Variants in PUDP observed in about 807,000 individuals in gnomAD.
PUDP encodes the protein pseudouridine-5'-phosphatase.
A neutral mutation model predicts 9.4 loss-of-function variants in PUDP; 8 were observed. That is an observed-to-expected ratio of 0.85 (90% CI 0.50 to 1.53). The LOEUF is 1.53. Ranked by LOEUF, PUDP falls within the 40% of genes most tolerant of loss-of-function variation. PUDP has a pLI of 0.00. For missense variants in PUDP, 188 were observed against 189.7 expected (o/e 0.99, Z 0.05); for synonymous variants, 99 against 80.7 (o/e 1.23, Z -1.22).
In PUDP at chrX:6,900,741, G is replaced by C. The variant is rs751874193; in HGVS notation, c.*247+76392C>G. Among the ~76,000 whole-genome samples the C allele has an allele frequency of 3.7e-5, 4 of 107,373 alleles. No individual in the cohort carries two copies. In the South Asian group the frequency reaches 1.7e-3, roughly 46 times the overall value. The allele number at this position is 107,373 out of a possible 115,157, so 93.2% of individuals were successfully genotyped here. On this transcript the variant is annotated intron_variant and NMD_transcript_variant, in intron 3 of 3. Coordinates refer to the PUDP transcript ENST00000655425. ...AGGGAGTCAACCACTGAGGACACGA[G>C]GGCATACCAGATGACCAATTTTTTT...
intron 3 of PUDP, among the ~76,000 whole-genome samples, chrX:6,817,576 C>A (rs752967758): frequency 2.7e-5 from 3 of 111,800 alleles, no homozygotes; most frequent in Non-Finnish European, 3.8e-5. Context: ...ATATTCTAGT[C>A]AATGGGAAAG....
intron 1 of PUDP, among the ~76,000 whole-genome samples, chrX:7,028,426 C>A (rs1301972096): frequency 9.0e-6 from 1 of 111,253 alleles, no homozygotes; most frequent in Admixed American, 9.6e-5. Context: ...GGCCAAGTCA[C>A]GTGATCACTA....
intron 1 of PUDP, among the ~76,000 whole-genome samples, chrX:7,010,452 T>C (rs765181596): frequency 1.2e-4 from 13 of 112,001 alleles, no homozygotes; most frequent in Non-Finnish European, 2.1e-4. Context: ...CAGATTGTTA[T>C]GAACAGCCCC....
At chrX:6,961,975 T>C (rs1030285420) in intron 3 of PUDP, among the ~76,000 whole-genome samples, 5 of 112,439 alleles carry the variant, frequency 4.4e-5, no homozygotes, top group Non-Finnish European at 7.5e-5. Flanking sequence ...GTCTGAAGTA[T>C]GGTAGGAATT....
rs149882603 is a variant in PUDP, at chrX:6,808,271, T to A, written c.*248-101805A>T. Among the ~76,000 whole-genome samples the A allele has an allele frequency of 5.5e-3, 613 of 112,202 alleles. 4 individuals are homozygous for A. Among genetic ancestry groups the A allele is most frequent in the African/African-American group, 0.018 (552 of 30,894 alleles). On this transcript the variant is annotated intron_variant and NMD_transcript_variant, in intron 3 of 3. Coordinates refer to the PUDP transcript ENST00000655425. ...TACTTTAGTCTTTCCTTGGAAAACATTTCAACAACTTGTATTTTTGCTCTC... is the reference window on the plus strand; with the variant it reads ...TACTTTAGTCTTTCCTTGGAAAACAATTCAACAACTTGTATTTTTGCTCTC...
chrX:6,846,229 C>A (rs1926744564), intron 3 of PUDP, among the ~76,000 whole-genome samples: 2 of 109,576 alleles, frequency 1.8e-5, no homozygotes, highest in African/African-American at 6.6e-5. Context: ...ACGGTGAAAC[C>A]CCGTCTCTAC....
At chrX:7,002,523 G>C (rs1476323258) in intron 1 of PUDP, among the ~76,000 whole-genome samples, 1 of 111,705 alleles carries the variant, frequency 9.0e-6, no homozygotes, top group Non-Finnish European at 1.9e-5. Flanking sequence ...CTTTTGGAGG[G>C]GAGAGTGGGT....
At chrX:6,896,518 G>A (rs1477382051) in intron 3 of PUDP, among the ~76,000 whole-genome samples, 2 of 111,998 alleles carry the variant, frequency 1.8e-5, no homozygotes, top group Non-Finnish European at 3.8e-5. Flanking sequence ...GAATGCTGGT[G>A]GATGTCCTAG....
At position 6,905,030 on chromosome X, in the gene PUDP, C is replaced by G. The variant is rs148862040; in HGVS notation, c.*247+72103G>C. On this transcript the variant is annotated intron_variant and NMD_transcript_variant, in intron 3 of 3. Transcript: ENST00000655425. The stretch of plus-strand genomic sequence containing the variant: ...CCCTGACTGCTTGAATAAATCCAAC[C>G]ACGGCTCTCTTCTTTACTTCATCTC... Among the ~76,000 whole-genome samples the G allele has an allele frequency of 8.7e-3, 972 of 112,068 alleles. 5 individuals carry two copies. Among genetic ancestry groups the G allele is most frequent in the African/African-American group, 0.03 (919 of 30,839 alleles).
In PUDP at chrX:6,863,637, T is replaced by G. The variant is rs774689915; in HGVS notation, c.*247+113496A>C. Among the ~76,000 whole-genome samples the G allele has an allele frequency of 2.7e-5, 3 of 112,278 alleles. No individual in the cohort carries two copies. In the East Asian group the frequency reaches 8.4e-4, roughly 31 times the overall value. ...TTGGGGCATGGTTTTCCCATTAAAA[T>G]GAGTTAGAATTTGGCTCTTCACATG... On this transcript the variant is annotated intron_variant and NMD_transcript_variant, in intron 3 of 3. Transcript: ENST00000655425.
intron 3 of PUDP, among the ~76,000 whole-genome samples, chrX:6,850,531 C>T (rs1186527954): frequency 8.9e-6 from 1 of 112,371 alleles, no homozygotes; most frequent in African/African-American, 3.2e-5. Flanking sequence ...GCCTATGAAT[C>T]TCAACTGCGC....
chrX:6,833,449 T>C (rs940932209), intron 3 of PUDP, among the ~76,000 whole-genome samples: 4 of 110,927 alleles, frequency 3.6e-5, no homozygotes, highest in Admixed American at 1.9e-4. Context: ...GATAGATGGA[T>C]AGATCATAGA....
intron 3 of PUDP, among the ~76,000 whole-genome samples, chrX:6,904,406 A>G (rs1471314873): frequency 9.0e-6 from 1 of 111,108 alleles, no homozygotes; most frequent in Non-Finnish European, 1.9e-5. Flanking sequence ...AACAGCCTAC[A>G]ATGCACACAG....
At chrX:6,741,905 G>A (rs1924944831) in intron 3 of PUDP, among the ~76,000 whole-genome samples, 1 of 106,815 alleles carries the variant, frequency 9.4e-6, no homozygotes, top group African/African-American at 3.5e-5. Context: ...GCCCAGGCTG[G>A]AGTGCAGTGG....
chrX:7,113,791 G>C (rs1054154142), intron 1 of PUDP, among the ~76,000 whole-genome samples: 2 of 112,362 alleles, frequency 1.8e-5, no homozygotes, highest in Admixed American at 9.4e-5. Flanking sequence ...CGGACCAGCA[G>C]CATCAGTATG....
At chrX:6,740,965 C>T (rs928664821) in intron 3 of PUDP, among the ~76,000 whole-genome samples, 4 of 111,206 alleles carry the variant, frequency 3.6e-5, no homozygotes, top group Non-Finnish European at 7.5e-5. Context: ...TCGAGACCAA[C>T]CTGGCCAACA....
chrX:7,119,697 CTATT>C (rs1290145064), intron 1 of PUDP, among the ~76,000 whole-genome samples: 3 of 112,210 alleles, frequency 2.7e-5, no homozygotes, highest in Non-Finnish European at 5.6e-5. Context: ...ATTAGCAATT[CTATT>C]TAATAGGTAT....
chrX:7,058,755 G>C (rs746296971), intron 3 of PUDP, among the ~76,000 whole-genome samples: 1 of 111,738 alleles, frequency 8.9e-6, no homozygotes, highest in Non-Finnish European at 1.9e-5. Context: ...TGTGTATTTT[G>C]TTATTAATTA....
intron 1 of PUDP, among the ~76,000 whole-genome samples, chrX:7,004,330 A>C (rs892821970): frequency 9.0e-6 from 1 of 111,665 alleles, no homozygotes; most frequent in Non-Finnish European, 1.9e-5. Context: ...TGTAGAGTGC[A>C]TTGAAGGTGT....
Sources: allele counts gnomAD v4.1 joint callset (sites outside exome capture counted in the v4.1 genomes callset), GRCh38; gene constraint gnomAD v4.1.1; transcripts MANE v1.5; gene names NCBI Gene and HGNC (gene_info 2026-07-23, HGNC 2026-07-21).